NECTIN3: variants seen among roughly 807,000 people sequenced by gnomAD.
NECTIN3 encodes nectin-3.
A neutral mutation model predicts 49.4 loss-of-function variants in NECTIN3; 8 were observed. The observed-to-expected ratio is 0.16, with a 90% CI of 0.10 to 0.29. The LOEUF is 0.29. Ranked by LOEUF, NECTIN3 falls within the 10% of genes least tolerant of loss-of-function variation. NECTIN3 has a pLI of 1.00. For synonymous variants in NECTIN3, 277 were observed against 241.1 expected (o/e 1.15, Z -1.38); for missense variants, 581 against 654.6 (o/e 0.89, Z 1.23).
chr3:111,153,442 G>A (rs1259072313), intron 7 of NECTIN3, among the ~76,000 whole-genome samples: 5 of 151,942 alleles, frequency 3.3e-5, no homozygotes, highest in Admixed American at 2.6e-4. Flanking sequence ...AAAGTTTGAT[G>A]TCTTCATCAT....
rs149180535 is a variant in NECTIN3 at position 111,080,896 on chromosome 3, A to AT, written c.160+8721dup. On this transcript the variant is annotated intron_variant, in intron 1 of 5. Coordinates refer to ENST00000485303, the MANE Select transcript of NECTIN3 (RefSeq NM_015480.3). ...GTGATATGATATAGTTTACAGAAAT[A>AT]TTAGTAAGGGCTGGAAGAGTTAAAA... 1.1e-3 allele frequency among the ~76,000 whole-genome samples: 160 copies of AT among 152,302 alleles called. 3 individuals carry two copies. In the East Asian group the frequency reaches 0.029, roughly 28 times the overall value.
chr3:111,140,872 A>C (rs550532618), downstream of NECTIN3, among the ~76,000 whole-genome samples: 1 of 152,102 alleles, frequency 6.6e-6, no homozygotes, highest in South Asian at 2.1e-4. Context: ...GTGCCAATCC[A>C]TGTATTATAT....
At chr3:111,176,546 T>A (rs2035531806) in intron 7 of NECTIN3, among the ~76,000 whole-genome samples, 1 of 152,212 alleles carries the variant, frequency 6.6e-6, no homozygotes, top group South Asian at 2.1e-4. Flanking sequence ...TTTAAAAAAT[T>A]GGTGTTCCTG....
chr3:111,126,886 A>G (rs1464452631), intron 5 of NECTIN3, among the ~76,000 whole-genome samples: 1 of 152,166 alleles, frequency 6.6e-6, no homozygotes, highest in Non-Finnish European at 1.5e-5. Flanking sequence ...TTAAACTACT[A>G]ATAGCTTAGA....
chr3:111,131,516 T>C (rs2034389655), intron 5 of NECTIN3, among the ~76,000 whole-genome samples: 1 of 151,992 alleles, frequency 6.6e-6, no homozygotes. Context: ...TTTCATGGAA[T>C]GATATTACTA....
At chr3:111,158,690 AAC>A (rs1203741073) in intron 7 of NECTIN3, among the ~76,000 whole-genome samples, 1 of 151,870 alleles carries the variant, frequency 6.6e-6, no homozygotes, top group African/African-American at 2.4e-5. Flanking sequence ...TTCACACACA[AAC>A]ACACACACAC....
At position 111,193,468 on chromosome 3, in the gene NECTIN3, T is replaced by C. The variant is rs1490062662; in HGVS notation, c.63+1055T>C. ...AGGCCAATAGTTATTTTACTGTCTC[T>C]CATATAAGAACAGTCCCACTCTAAG... is the stretch of plus-strand genomic sequence containing the variant. On this transcript the variant is annotated intron_variant, in intron 1 of 1. Coordinates refer to the NECTIN3 transcript ENST00000485506. 2.9e-6 allele frequency: 4 copies of C among 1,361,068 alleles called. No homozygotes were observed. The African/African-American group carries it at 5.9e-5, about 20-fold the overall frequency. The allele number at this position is 1,361,068 out of a possible 1,614,324, so 84.3% of individuals were successfully genotyped here.
intron 1 of NECTIN3, among the ~76,000 whole-genome samples, chr3:111,074,547 A>G (rs924001296): frequency 9.2e-5 from 14 of 152,134 alleles, no homozygotes; most frequent in Admixed American, 7.9e-4. Context: ...TTTAACTGTT[A>G]AAAATATCCA....
downstream of NECTIN3, among the ~76,000 whole-genome samples, chr3:111,139,882 G>A (rs1188717457): frequency 6.6e-6 from 1 of 151,760 alleles, no homozygotes; most frequent in Non-Finnish European, 1.5e-5. Flanking sequence ...TATTTAACAT[G>A]TTAATTTTTT....
chr3:111,159,504 T>C (rs998436563), intron 7 of NECTIN3, among the ~76,000 whole-genome samples: 2 of 151,946 alleles, frequency 1.3e-5, no homozygotes, highest in Non-Finnish European at 2.9e-5. Flanking sequence ...TTTTATTTTA[T>C]TTTTTTAAGT....
chr3:111,081,815 G>A (rs980526872), intron 1 of NECTIN3, among the ~76,000 whole-genome samples: 1 of 152,166 alleles, frequency 6.6e-6, no homozygotes, highest in African/African-American at 2.4e-5. Context: ...GTTCTCATGT[G>A]ACTCAAGCAT....
intron 1 of NECTIN3, among the ~76,000 whole-genome samples, chr3:111,092,269 G>C (rs1211371012): frequency 6.6e-6 from 1 of 152,020 alleles, no homozygotes; most frequent in Non-Finnish European, 1.5e-5. Context: ...TCACCCTATT[G>C]ATGTCCATTT....
intron 1 of NECTIN3, among the ~76,000 whole-genome samples, chr3:111,102,394 C>G (rs890049447): frequency 6.6e-6 from 1 of 152,170 alleles, no homozygotes; most frequent in Non-Finnish European, 1.5e-5. Flanking sequence ...CCTCCTCCCC[C>G]ACTTCTTGAC....
chr3:111,166,033 C>G (rs767664352), intron 7 of NECTIN3, among the ~76,000 whole-genome samples: 3 of 152,096 alleles, frequency 2.0e-5, no homozygotes, highest in Non-Finnish European at 4.4e-5. Flanking sequence ...CCTCAAATTT[C>G]AGGGATTTAA....
chr3:111,178,603 G>C (rs974507473), intron 7 of NECTIN3, among the ~76,000 whole-genome samples: 5 of 152,316 alleles, frequency 3.3e-5, no homozygotes, highest in Middle Eastern at 3.4e-3. Context: ...AGCAGGAGGT[G>C]AAGTAACTTA....
chr3:111,138,580 T>C (rs2034655371), downstream of NECTIN3, among the ~76,000 whole-genome samples: 1 of 151,568 alleles, frequency 6.6e-6, no homozygotes, highest in Non-Finnish European at 1.5e-5. Context: ...CCCTTAGGTA[T>C]CATTTATTTT....
chr3:111,116,611 C>T (rs145809551), intron 2 of NECTIN3, among the ~76,000 whole-genome samples: 82 of 152,094 alleles, frequency 5.4e-4, no homozygotes, highest in Admixed American at 1.0e-3. Flanking sequence ...ATTTGCACCA[C>T]GTATAATCAC....
At chr3:111,182,849 G>C (rs2035650561) in intron 7 of NECTIN3, among the ~76,000 whole-genome samples, 1 of 151,718 alleles carries the variant, frequency 6.6e-6, no homozygotes, top group Non-Finnish European at 1.5e-5. Flanking sequence ...CTTATTTATT[G>C]CTGTGGTTCA....
chr3:111,116,631 T>C (rs1023405275), intron 2 of NECTIN3, among the ~76,000 whole-genome samples: 44 of 152,158 alleles, frequency 2.9e-4, no homozygotes, highest in African/African-American at 1.1e-3. Context: ...CAAATGACTG[T>C]TTTCCCAAAT....
Sources: allele counts gnomAD v4.1 joint callset (sites outside exome capture counted in the v4.1 genomes callset), GRCh38; gene constraint gnomAD v4.1.1; transcripts MANE v1.5; gene names NCBI Gene and HGNC (gene_info 2026-07-23, HGNC 2026-07-21).